Variants in PLCE1 observed in about 807,000 individuals in gnomAD.
The protein encoded by PLCE1 is phospholipase C epsilon 1, also known as 1-phosphatidylinositol 4,5-bisphosphate phosphodiesterase epsilon-1.
Under a neutral mutation model 242.8 loss-of-function variants are expected in PLCE1, and 119 were observed. The ratio of observed to expected loss-of-function variants is 0.49; its 90% CI spans 0.42 to 0.57. The LOEUF is 0.57. PLCE1 is among the 20% of genes least tolerant of loss of function. PLCE1 has a pLI of 0.00. For synonymous variants in PLCE1, 945 were observed against 1,017.4 expected (o/e 0.93, Z 1.35); for missense variants, 2,441 against 2,788.8 (o/e 0.88, Z 2.81).
chr10:94,172,152 C>T (rs1413381748), intron 4 of PLCE1, among the ~76,000 whole-genome samples: 2 of 152,126 alleles, frequency 1.3e-5, no homozygotes, highest in African/African-American at 4.8e-5. Context: ...TCTAGGGACT[C>T]ACTGGGAGAT....
chr10:94,039,600 G>A (rs1268675441), intron 2 of PLCE1, among the ~76,000 whole-genome samples: 1 of 152,088 alleles, frequency 6.6e-6, no homozygotes, highest in Non-Finnish European at 1.5e-5. Flanking sequence ...TGGCCAGGCT[G>A]GTCTCAAACT....
intron 4 of PLCE1, among the ~76,000 whole-genome samples, chr10:94,203,853 GAAGA>G (rs565866625): frequency 3.2e-4 from 49 of 152,318 alleles, no homozygotes; most frequent in African/African-American, 1.1e-3. Flanking sequence ...TGTGAAGGCA[GAAGA>G]AATATTAGTC....
chr10:94,010,314 C>G (rs1427392583), intron 1 of PLCE1, among the ~76,000 whole-genome samples: 1 of 152,218 alleles, frequency 6.6e-6, no homozygotes, highest in African/African-American at 2.4e-5. Flanking sequence ...AGGGTCTGGC[C>G]TCTGAAACCA....
At chr10:94,175,660 A>T (rs1465887320) in intron 4 of PLCE1, among the ~76,000 whole-genome samples, 2 of 151,814 alleles carry the variant, frequency 1.3e-5, no homozygotes, top group Non-Finnish European at 2.9e-5. Flanking sequence ...TAGATCTTAC[A>T]TTTTTTTCTG....
At chr10:94,169,484 G>A (rs1281412278) in intron 3 of PLCE1, among the ~76,000 whole-genome samples, 3 of 152,116 alleles carry the variant, frequency 2.0e-5, no homozygotes, top group Non-Finnish European at 4.4e-5. Context: ...TGGAGAGGAG[G>A]AAACACATGC....
intron 1 of PLCE1, among the ~76,000 whole-genome samples, chr10:94,021,231 GTTTTT>G (rs34518277): frequency 8.2e-6 from 1 of 121,274 alleles, no homozygotes. Context: ...CTTCTTAATG[GTTTTT>G]TTTTTTTTTT....
chr10:94,292,504 T>C (rs1450463895), intron 22 of PLCE1, among the ~76,000 whole-genome samples: 1 of 152,250 alleles, frequency 6.6e-6, no homozygotes, highest in African/African-American at 2.4e-5. Flanking sequence ...ATATTCAGCC[T>C]GTATATGTAT....
At chr10:94,025,227 C>T (rs2061436665) in intron 1 of PLCE1, among the ~76,000 whole-genome samples, 1 of 152,104 alleles carries the variant, frequency 6.6e-6, no homozygotes, top group South Asian at 2.1e-4. Flanking sequence ...AAATTGCAAA[C>T]CACTTTGCTT....
chr10:94,117,700 G>A (rs940332828), intron 2 of PLCE1, among the ~76,000 whole-genome samples: 4 of 152,204 alleles, frequency 2.6e-5, no homozygotes, highest in Non-Finnish European at 5.9e-5. Context: ...TGGTTAGGCT[G>A]TAGTTAGTAT....
At chr10:94,060,167 G>A (rs1031321754) in intron 2 of PLCE1, among the ~76,000 whole-genome samples, 6 of 151,586 alleles carry the variant, frequency 4.0e-5, no homozygotes, top group African/African-American at 1.2e-4. Context: ...TGCTGGTCTT[G>A]GTCAAGTTTT....
intron 2 of PLCE1, among the ~76,000 whole-genome samples, chr10:94,044,997 T>A (rs974290046): frequency 6.6e-6 from 1 of 152,106 alleles, no homozygotes; most frequent in African/African-American, 2.4e-5. Context: ...TTTAAAAATT[T>A]TTTATTATTA....
intron 19 of PLCE1, 131 bp from the exon 20 acceptor site, chr10:94,279,651 C>T: frequency 2.1e-6 from 2 of 952,376 alleles, no homozygotes; most frequent in Admixed American, 2.0e-5. Context: ...ATTTTTTTCT[C>T]CTCTCCCAAA....
At chr10:94,194,146 A>C (rs539658480) in intron 4 of PLCE1, among the ~76,000 whole-genome samples, 2 of 152,340 alleles carry the variant, frequency 1.3e-5, no homozygotes, top group South Asian at 4.1e-4. Flanking sequence ...AGTCAGATAC[A>C]AGTGACTTTT....
At chr10:94,085,012 T>C (rs1023129548) in intron 2 of PLCE1, among the ~76,000 whole-genome samples, 1 of 152,164 alleles carries the variant, frequency 6.6e-6, no homozygotes, top group African/African-American at 2.4e-5. Context: ...CCCTCCTCAC[T>C]GTCAGCTGGC....
In PLCE1 at chr10:94,223,807, C is replaced by T. The variant is rs541842649; in HGVS notation, c.1810-3499C>T. Among the ~76,000 whole-genome samples, 4 of 152,274 alleles carry T rather than the reference C, an allele frequency of 2.6e-5. No homozygotes were observed. In the East Asian group the frequency reaches 7.7e-4, roughly 29 times the overall value. On this transcript the variant is annotated intron_variant, in intron 4 of 32. Coordinates refer to ENST00000371380, the MANE Select transcript of PLCE1 (RefSeq NM_016341.4). ...TTCTGCTCTAGTAGCACTCCCTATG[C>T]CTAAACCATAGTACTTTATATTTAT... is the stretch of plus-strand genomic sequence containing the variant.
At chr10:94,327,775 A>G (rs1028238872) in intron 32 of PLCE1, among the ~76,000 whole-genome samples, 193 bp from the exon 33 acceptor site, 3 of 152,224 alleles carry the variant, frequency 2.0e-5, no homozygotes, top group Non-Finnish European at 4.4e-5. Flanking sequence ...TTTATTTCCA[A>G]GGCAGAAATA....
At chr10:94,045,974 A>T in intron 2 of PLCE1, among the ~76,000 whole-genome samples, 1 of 152,014 alleles carries the variant, frequency 6.6e-6, no homozygotes, top group South Asian at 2.1e-4. Context: ...GTAAAAAAAA[A>T]AAAAGTAATA....
At chr10:94,095,459 C>T (rs1297621954) in intron 2 of PLCE1, among the ~76,000 whole-genome samples, 1 of 152,296 alleles carries the variant, frequency 6.6e-6, no homozygotes, top group South Asian at 2.1e-4. Context: ...CAGGTTCAAG[C>T]GATCCTCTCA....
chr10:94,251,135 A>G (rs2050860023), intron 8 of PLCE1, among the ~76,000 whole-genome samples: 1 of 152,186 alleles, frequency 6.6e-6, no homozygotes, highest in Non-Finnish European at 1.5e-5. Context: ...GAGAATAGAC[A>G]GTTAAAGTAA....
Sources: gnomAD v4.1 joint callset for allele counts (sites outside exome capture counted in the v4.1 genomes callset) on GRCh38, gnomAD v4.1.1 for gene constraint, MANE v1.5 for transcripts, NCBI Gene and HGNC (gene_info 2026-07-23, HGNC 2026-07-21) for gene names.